The following GRIN3A variants were observed in gnomAD, a reference collection of about 807,000 sequenced individuals.
GRIN3A encodes the protein glutamate receptor ionotropic, NMDA 3A.
GRIN3A carries 47 observed loss-of-function variants against 92.4 expected under a neutral mutation model. The observed-to-expected ratio is 0.51, with a 90% CI of 0.40 to 0.65. The LOEUF (loss-of-function observed/expected upper bound fraction) is 0.65. Among genes scored for constraint, GRIN3A ranks in the 30% least tolerant of loss-of-function variants. GRIN3A has a pLI of 0.00. For missense variants in GRIN3A, 1,324 were observed against 1,393.1 expected, an observed-to-expected ratio of 0.95 and a Z score of 0.79; for synonymous variants, 527 against 540.6, an observed-to-expected ratio of 0.97 and a Z score of 0.35.
intron 3 of GRIN3A, among the ~76,000 whole-genome samples, chr9:101,651,540 T>C (rs1829014777): frequency 6.6e-6 from 1 of 151,888 alleles, no homozygotes; most frequent in Non-Finnish European, 1.5e-5. Context: ...AGGATGAGGA[T>C]TGTGTGCATT....
chr9:101,710,977 CTA>C (rs772500523), intron 1 of GRIN3A, among the ~76,000 whole-genome samples: 2 of 152,086 alleles, frequency 1.3e-5, no homozygotes, highest in Non-Finnish European at 2.9e-5. Flanking sequence ...ATAACAATAA[CTA>C]ATAACAAAAT....
chr9:101,692,709 G>A (rs780848217), intron 1 of GRIN3A, among the ~76,000 whole-genome samples: 1 of 152,242 alleles, frequency 6.6e-6, no homozygotes, highest in East Asian at 1.9e-4. Context: ...TTTCTACACA[G>A]CTATCGCTTC....
Position 101,594,605 on chromosome 9 carries a change from T to C in GRIN3A, c.2767-15245A>G, listed in dbSNP as rs771520274. The C allele has an allele frequency of 2.8e-5, 46 of 1,614,088 alleles. No individual in the cohort carries two copies. The South Asian group carries it at 3.7e-4, about 13-fold the overall frequency. The stretch of plus-strand genomic sequence containing the variant: ...CTGGAAGAGCTCCCCGTTGGAAATG[T>C]AGCCATCTTTATCCATGTCGTAAAT... On this transcript the variant is annotated intron_variant, in intron 6 of 8. Transcript: ENST00000361820.
intron 6 of GRIN3A, among the ~76,000 whole-genome samples, chr9:101,587,263 T>C (rs1482982150): frequency 6.6e-6 from 1 of 150,592 alleles, no homozygotes; most frequent in East Asian, 2.0e-4. Context: ...TGAGCTGAAA[T>C]TGCACCACTG....
Position 101,580,426 on chromosome 9 carries a change from G to A in GRIN3A, c.2767-1066C>T, listed in dbSNP as rs1827873847. On this transcript the variant is annotated intron_variant, in intron 6 of 8. Coordinates refer to ENST00000361820, the MANE Select transcript of GRIN3A (RefSeq NM_133445.3). The stretch of plus-strand genomic sequence containing the variant: ...ACCACCTTATGGTCTCTTAGAGATT[G>A]AGAGAGATAGAGATAGAGAATTGAA... Among the ~76,000 whole-genome samples the A allele has an allele frequency of 2.0e-5, 3 of 152,188 alleles. No homozygotes were observed. In the South Asian group the frequency reaches 6.2e-4, roughly 31 times the overall value.
chr9:101,589,571 A>G (rs1177761370), intron 6 of GRIN3A, among the ~76,000 whole-genome samples: 1 of 152,208 alleles, frequency 6.6e-6, no homozygotes, highest in African/African-American at 2.4e-5. Flanking sequence ...AATGAATCAT[A>G]TAATGACTTT....
chr9:101,668,992 A>G (rs1324447478), intron 3 of GRIN3A, among the ~76,000 whole-genome samples: 3 of 152,176 alleles, frequency 2.0e-5, no homozygotes. Flanking sequence ...CATTTGGAAA[A>G]GCCTGTGAAT....
intron 6 of GRIN3A, among the ~76,000 whole-genome samples, chr9:101,579,841 A>G (rs1827867525): frequency 1.3e-5 from 2 of 152,174 alleles, no homozygotes; most frequent in African/African-American, 4.8e-5. Context: ...GGCCATAACC[A>G]GATTCTCCCT....
chr9:101,643,697 C>A (rs908870616), intron 3 of GRIN3A, among the ~76,000 whole-genome samples: 4 of 145,434 alleles, frequency 2.8e-5, no homozygotes, highest in Non-Finnish European at 3.0e-5. Context: ...ACACACACAC[C>A]CACACGAATA....
chr9:101,616,668 A>C (rs1442128108), intron 5 of GRIN3A, among the ~76,000 whole-genome samples: 1 of 143,526 alleles, frequency 7.0e-6, no homozygotes, highest in Non-Finnish European at 1.5e-5. Context: ...AGGTATTCTC[A>C]CTTATAGGTG....
chr9:101,630,851 G>A (rs1017484186), intron 3 of GRIN3A, among the ~76,000 whole-genome samples: 1 of 152,168 alleles, frequency 6.6e-6, no homozygotes, highest in Admixed American at 6.5e-5. Flanking sequence ...TCATTTGTTT[G>A]TGTAATACAG....
At chr9:101,724,186 TC>T (rs1260162450) in intron 1 of GRIN3A, among the ~76,000 whole-genome samples, 7 of 122,212 alleles carry the variant, frequency 5.7e-5, no homozygotes, top group Admixed American at 1.7e-4. Context: ...TCGAGGAGGC[TC>T]GGGCCGCACA....
At chr9:101,637,943 G>A (rs1156541265) in intron 3 of GRIN3A, among the ~76,000 whole-genome samples, 1 of 151,660 alleles carries the variant, frequency 6.6e-6, no homozygotes, top group East Asian at 1.9e-4. Context: ...AATACAATCT[G>A]TCCCCTCCCC....
At chr9:101,719,770 T>G (rs1216836838) in intron 1 of GRIN3A, among the ~76,000 whole-genome samples, 1 of 152,242 alleles carries the variant, frequency 6.6e-6, no homozygotes, top group Non-Finnish European at 1.5e-5. Context: ...TCATTTCCAG[T>G]ATTTCAACCC....
intron 6 of GRIN3A, among the ~76,000 whole-genome samples, chr9:101,603,389 G>A (rs928275423): frequency 6.6e-6 from 1 of 152,136 alleles, no homozygotes; most frequent in Non-Finnish European, 1.5e-5. Context: ...CGCCATAAAC[G>A]ATCTCATTAA....
At chr9:101,662,458 T>G (rs2118935094) in intron 3 of GRIN3A, among the ~76,000 whole-genome samples, 1 of 151,922 alleles carries the variant, frequency 6.6e-6, no homozygotes, top group East Asian at 1.9e-4. Context: ...GGGAGTGCTA[T>G]TTAACTTCAT....
At chr9:101,578,341 T>C (rs1228605311) in intron 7 of GRIN3A, among the ~76,000 whole-genome samples, 5 of 151,730 alleles carry the variant, frequency 3.3e-5, no homozygotes, top group Non-Finnish European at 7.4e-5. Flanking sequence ...ACCAAACCAA[T>C]GATAGTAACC....
intron 3 of GRIN3A, among the ~76,000 whole-genome samples, chr9:101,635,160 AT>A (rs1828769062): frequency 1.3e-5 from 2 of 152,142 alleles, no homozygotes; most frequent in African/African-American, 2.4e-5. Context: ...AGTCAACAAC[AT>A]TCTTTGACAT....
At position 101,738,117 on chromosome 9, in the gene GRIN3A, G is replaced by C; in HGVS notation, c.-138C>G. On this transcript the variant is annotated 5_prime_UTR_variant, in exon 1 of 9. Transcript: ENST00000361820. ...GTGAAGCGGTCCCAGGAGCTGGAGC[G>C]GTCTCTAGGCCATGCAAGTTGGAGC... The C allele has an allele frequency of 2.5e-6, 2 of 787,886 alleles. No individual in the cohort carries two copies. The highest frequency in any genetic ancestry group is 4.3e-6 in the Non-Finnish European group (2 of 466,782). 48.8% of individuals were successfully genotyped at this position (787,886 alleles called of 1,614,324 possible).
Sources: allele counts gnomAD v4.1 joint callset (sites outside exome capture counted in the v4.1 genomes callset), GRCh38; gene constraint gnomAD v4.1.1; transcripts MANE v1.5; gene names NCBI Gene and HGNC (gene_info 2026-07-23, HGNC 2026-07-21).